TLK1: variants seen among roughly 807,000 people sequenced by gnomAD.
TLK1 encodes tousled like kinase 1.
In TLK1, 24 loss-of-function variants were observed where a neutral mutation model predicts 105.3. That is an observed-to-expected ratio of 0.23 (90% confidence interval 0.17 to 0.32). TLK1 has a LOEUF of 0.32. TLK1 is among the 10% of genes least tolerant of loss of function. TLK1 has a pLI of 1.00. For missense variants in TLK1, 558 were observed against 910.5 expected (o/e 0.61, Z 4.98); for synonymous variants, 321 against 310.4 (o/e 1.03, Z -0.36).
At chr2:171,114,929 C>T (rs1170611058) in intron 2 of TLK1, among the ~76,000 whole-genome samples, 2 of 152,102 alleles carry the variant, frequency 1.3e-5, no homozygotes, top group Non-Finnish European at 2.9e-5. Context: ...CCTATAAACA[C>T]CATGGTTTTA....
intron 1 of TLK1, among the ~76,000 whole-genome samples, chr2:171,130,462 AG>A (rs1314649168): frequency 7.2e-5 from 11 of 152,204 alleles, no homozygotes; most frequent in African/African-American, 2.7e-4. Context: ...GGCAGGACAC[AG>A]CGTTAATTCA....
chr2:171,180,691 G>T (rs1390866869), intron 1 of TLK1, among the ~76,000 whole-genome samples: 1 of 152,156 alleles, frequency 6.6e-6, no homozygotes. Context: ...AGGTTTTTCT[G>T]CATTGGCTTT....
intron 1 of TLK1, among the ~76,000 whole-genome samples, chr2:171,228,342 C>A (rs1054668981): frequency 1.3e-5 from 2 of 152,162 alleles, no homozygotes. Flanking sequence ...TCACCTAAGG[C>A]TAGGAATTAG....
At chr2:171,012,076 T>A (rs1024579825) in intron 13 of TLK1, among the ~76,000 whole-genome samples, 1 of 151,844 alleles carries the variant, frequency 6.6e-6, no homozygotes, top group Non-Finnish European at 1.5e-5. Flanking sequence ...GGGAGTTGTT[T>A]TTTTTTTTAG....
At chr2:171,027,346 C>G (rs1022500581) in intron 12 of TLK1, among the ~76,000 whole-genome samples, 41 of 152,076 alleles carry the variant, frequency 2.7e-4, no homozygotes, top group African/African-American at 7.2e-4. Flanking sequence ...CTGTCAGTAA[C>G]TTAATTTTGA....
intron 1 of TLK1, among the ~76,000 whole-genome samples, chr2:171,123,930 AT>A (rs1690765729): frequency 6.6e-6 from 1 of 152,222 alleles, no homozygotes; most frequent in Non-Finnish European, 1.5e-5. Context: ...CACAAGCATG[AT>A]TTTAATTGAG....
In TLK1 at chr2:171,215,103, G is replaced by A. The variant is rs188293967; in HGVS notation, c.-6+16042C>T. 3.3e-5 allele frequency among the ~76,000 whole-genome samples: 5 copies of A among 152,230 alleles called. No homozygotes were observed. In the East Asian group the frequency reaches 9.7e-4, roughly 29 times the overall value. On this transcript the variant is annotated intron_variant, in intron 1 of 20. Transcript: ENST00000521943. The stretch of plus-strand genomic sequence containing the variant: ...CTACAGGTTGGCAACACCACACCTG[G>A]CTAATTTTTGTAGTTTTTGTAGAGG...
At chr2:171,005,956 A>G (rs1684632825) in intron 18 of TLK1, among the ~76,000 whole-genome samples, 191 bp downstream of exon 18, 1 of 152,180 alleles carries the variant, frequency 6.6e-6, no homozygotes, top group Non-Finnish European at 1.5e-5. Flanking sequence ...GTATGCTGTT[A>G]TTTGCAGTTA....
Position 170,997,798 on chromosome 2 carries a change from C to G in TLK1, c.1930G>C (p.Val644Leu), listed in dbSNP as rs1684135390. ...YWYLPPECFV[V>L]GKEPPKISNK... ...GAAATCTTTGGTGGCTCTTTTCCAA[C>G]TACAAAACACTCAGGAGGTAAATAC... is the stretch of plus-strand genomic sequence containing the variant. Residue 644 changes from valine (V) to leucine (L), a missense_variant, in exon 19 of 21, where the codon GTT becomes CTT. Physicochemically the swap from Val to Leu is conservative, Grantham distance 32. Coordinates refer to ENST00000431350, the MANE Select transcript of TLK1 (RefSeq NM_012290.5). The G allele has an allele frequency of 1.9e-6, 3 of 1,610,486 alleles. No homozygotes were observed. The African/African-American group carries it at 4.0e-5, about 22-fold the overall frequency.
intron 1 of TLK1, among the ~76,000 whole-genome samples, chr2:171,156,705 C>T (rs1692248941): frequency 6.6e-6 from 1 of 152,234 alleles, no homozygotes; most frequent in African/African-American, 2.4e-5. Flanking sequence ...GCCTACAGGG[C>T]CATCTGGTAC....
At chr2:171,137,493 C>A (rs1691373882) in intron 1 of TLK1, among the ~76,000 whole-genome samples, 2 of 151,990 alleles carry the variant, frequency 1.3e-5, no homozygotes, top group Non-Finnish European at 1.5e-5. Context: ...ACATATACAC[C>A]CAGGCACATG....
At chr2:171,039,867 C>G (rs560710573) in intron 11 of TLK1, among the ~76,000 whole-genome samples, 9 of 152,114 alleles carry the variant, frequency 5.9e-5, no homozygotes, top group Non-Finnish European at 1.3e-4. Flanking sequence ...CCAACAGACC[C>G]CTTTGTAATT....
chr2:171,067,674 A>G (rs1378421353), intron 3 of TLK1, among the ~76,000 whole-genome samples: 1 of 152,164 alleles, frequency 6.6e-6, no homozygotes, highest in African/African-American at 2.4e-5. Flanking sequence ...CAAGTTTGTT[A>G]CATAGGTATA....
chr2:171,160,026 A>G lies in TLK1; in HGVS notation c.139+264T>C, dbSNP rs1349444462. 6.6e-6 allele frequency among the ~76,000 whole-genome samples: 1 copy of G among 152,130 alleles called. No individual in the cohort carries two copies. The highest frequency in any genetic ancestry group is 2.4e-5 in the African/African-American group (1 of 41,444). ...CGCAGGACTGGCTCCCAGGAACCCC[A>G]GGCGAGTCTATGCGCCTCGCCCCGT... is the stretch of plus-strand genomic sequence containing the variant. On this transcript the variant is annotated intron_variant, in intron 1 of 20. Coordinates refer to ENST00000431350, the MANE Select transcript of TLK1 (RefSeq NM_012290.5). The surrounding 1 kb of genome is among the most constrained non-coding windows in gnomAD (Gnocchi z 4.4).
intron 1 of TLK1, among the ~76,000 whole-genome samples, chr2:171,193,209 T>C (rs903459301): frequency 6.6e-5 from 10 of 152,046 alleles, no homozygotes; most frequent in Non-Finnish European, 1.5e-5. Context: ...ATCAAATACA[T>C]GAGGCCAACA....
At chr2:171,058,233 G>T (rs368491293) in intron 4 of TLK1, 36 bp from the exon 5 acceptor site, 30 of 1,594,726 alleles carry the variant, frequency 1.9e-5, no homozygotes, top group Non-Finnish European at 2.2e-5. Context: ...TAGTAGGGTA[G>T]TGATGGGCAT....
intron 1 of TLK1, among the ~76,000 whole-genome samples, chr2:171,157,341 C>T (rs1446371297): frequency 6.6e-6 from 1 of 152,162 alleles, no homozygotes. Context: ...CTGGCCTTTA[C>T]TTGAAAACCT....
At chr2:171,224,920 A>G (rs888063884) in intron 1 of TLK1, among the ~76,000 whole-genome samples, 31 of 152,188 alleles carry the variant, frequency 2.0e-4, no homozygotes, top group African/African-American at 7.2e-4. Flanking sequence ...CAGTTAATTG[A>G]TTTTTTCAAC....
intron 12 of TLK1, among the ~76,000 whole-genome samples, chr2:171,020,221 G>A (rs1685425628): frequency 6.6e-6 from 1 of 151,780 alleles, no homozygotes. Context: ...GAAAGGGAAA[G>A]GTGAAATCAA....
Sources: allele counts gnomAD v4.1 joint callset (sites outside exome capture counted in the v4.1 genomes callset), GRCh38; gene constraint gnomAD v4.1.1; non-coding constraint Gnocchi (gnomAD v3.1); transcripts MANE v1.5; gene names NCBI Gene and HGNC (gene_info 2026-07-23, HGNC 2026-07-21).